Variants in CPNE4 observed in about 807,000 individuals in gnomAD.
The protein encoded by CPNE4 is copine-4.
Under a neutral mutation model 67.9 loss-of-function variants are expected in CPNE4, and 25 were observed. The observed-to-expected ratio is 0.37, with a 90% CI of 0.27 to 0.51. CPNE4 has a LOEUF of 0.51. Ranked by LOEUF, CPNE4 falls within the 20% of genes least tolerant of loss-of-function variation. The pLI, the probability that CPNE4 is intolerant of heterozygous loss-of-function variation, is 0.93. For synonymous variants in CPNE4, 242 were observed against 244.9 expected (o/e 0.99, Z 0.11); for missense variants, 464 against 690.8 (o/e 0.67, Z 3.68).
intron 7 of CPNE4, among the ~76,000 whole-genome samples, chr3:131,618,059 G>A (rs1253835858): frequency 6.6e-6 from 1 of 152,146 alleles, no homozygotes; most frequent in Non-Finnish European, 1.5e-5. Flanking sequence ...TGTATGGGGA[G>A]GTGAGCTCAG....
intron 2 of CPNE4, among the ~76,000 whole-genome samples, chr3:131,856,230 G>A (rs2086436933): frequency 6.6e-6 from 1 of 151,532 alleles, no homozygotes; most frequent in African/African-American, 2.4e-5. Context: ...ACATAAACGT[G>A]TTTTATGTTT....
rs752838277 is a variant in CPNE4, at chr3:131,763,029, CA to C, written c.181-39405del. Among the ~76,000 whole-genome samples the C allele has an allele frequency of 4.1e-3, 629 of 151,658 alleles. 3 individuals are homozygous for C. The highest frequency in any genetic ancestry group is 6.6e-3 in the Non-Finnish European group (447 of 67,832). On this transcript the variant is annotated intron_variant, in intron 2 of 15. Transcript: ENST00000429747. The stretch of plus-strand genomic sequence containing the variant: ...CACAAAATAATTTCTTTTAGGAAAA[CA>C]AAAAAACAATCTTTTCTATACAGGA...
At chr3:131,942,912 A>T (rs2071441981) in intron 1 of CPNE4, among the ~76,000 whole-genome samples, 1 of 152,100 alleles carries the variant, frequency 6.6e-6, no homozygotes, top group African/African-American at 2.4e-5. Context: ...CTGAATTCCC[A>T]TCCAGTTCTG....
At position 131,894,450 on chromosome 3, in the gene CPNE4, G is replaced by T. The variant is rs555057419; in HGVS notation, c.180+10814C>A. ...GTAAAGAGACAACTTACAGAATGGG[G>T]TAAAATATTTGCAAACCAGACACCT... On this transcript the variant is annotated intron_variant, in intron 2 of 15. Transcript: ENST00000429747. Among the ~76,000 whole-genome samples, 8 of 151,782 alleles carry T rather than the reference G, an allele frequency of 5.3e-5. No homozygotes were observed. In the South Asian group the frequency reaches 1.7e-3, roughly 32 times the overall value.
At chr3:131,810,682 G>C (rs1047534160) in intron 2 of CPNE4, among the ~76,000 whole-genome samples, 2 of 152,024 alleles carry the variant, frequency 1.3e-5, no homozygotes, top group African/African-American at 4.8e-5. Flanking sequence ...CCCACTTCTG[G>C]GTATACATCC....
chr3:131,542,567 T>A lies in CPNE4; in HGVS notation c.1529A>T (p.Asn510Ile). The A allele has an allele frequency of 6.2e-7, 1 of 1,613,616 alleles. No homozygotes were observed. The highest frequency in any genetic ancestry group is 8.5e-7 in the Non-Finnish European group (1 of 1,179,580). ...TGTGTATATGCATACGTGTTTGAAG[T>A]TCCTGAAGGGCACGAACTGGACGAT... ...RDIVQFVPFR[N>I]FKHASPAALA... The change falls in exon 15 of 16, where the codon AAC becomes ATC. Residue 510 changes from asparagine (N) to isoleucine (I), a missense_variant. Asn to Ile is a moderately radical substitution (Grantham distance 149). Transcript: ENST00000429747.
At chr3:131,976,014 G>A (rs1412489178) in intron 1 of CPNE4, among the ~76,000 whole-genome samples, 2 of 150,552 alleles carry the variant, frequency 1.3e-5, no homozygotes, top group African/African-American at 4.9e-5. Flanking sequence ...GTAGACTTAT[G>A]GATGCTGATA....
chr3:131,932,611 G>C (rs1225720720), intron 1 of CPNE4, among the ~76,000 whole-genome samples: 3 of 152,058 alleles, frequency 2.0e-5, no homozygotes, highest in African/African-American at 7.2e-5. Flanking sequence ...GAACATTTAA[G>C]TTGAATTTGG....
chr3:131,627,205 A>AAAG (rs2079099621), intron 7 of CPNE4, among the ~76,000 whole-genome samples: 1 of 151,460 alleles, frequency 6.6e-6, no homozygotes, highest in Non-Finnish European at 1.5e-5. Context: ...AAAAAAAAAA[A>AAAG]AAAAAGAAAA....
chr3:131,960,131 G>A (rs1352117799), intron 1 of CPNE4, among the ~76,000 whole-genome samples: 1 of 151,966 alleles, frequency 6.6e-6, no homozygotes, highest in Non-Finnish European at 1.5e-5. Context: ...GGAGAGGGAG[G>A]GAGGAGAGGG....
chr3:131,770,143 A>G (rs72985848), intron 2 of CPNE4, among the ~76,000 whole-genome samples: 3,173 of 152,282 alleles, frequency 0.021, 100 homozygotes, highest in African/African-American at 0.072. Context: ...TCACTCACCC[A>G]ACATGTCTTC....
intron 1 of CPNE4, among the ~76,000 whole-genome samples, chr3:131,952,576 G>GA (rs2071788993): frequency 1.1e-5 from 1 of 89,208 alleles, no homozygotes; most frequent in African/African-American, 4.6e-5. Context: ...AGGTGGGGGG[G>GA]TCAGCACCCC....
intron 1 of CPNE4, among the ~76,000 whole-genome samples, chr3:132,012,925 A>C (rs2073803867): frequency 6.6e-6 from 1 of 152,166 alleles, no homozygotes; most frequent in Admixed American, 6.5e-5. Context: ...GGCATATTTA[A>C]GAATTCATGT....
In CPNE4 at chr3:131,596,243, T is replaced by A. The variant is rs7620587; in HGVS notation, c.682-8661A>T. On this transcript the variant is annotated intron_variant, in intron 7 of 15. Coordinates refer to ENST00000429747, the MANE Select transcript of CPNE4 (RefSeq NM_130808.3). ...AGCTTGTGATGGTATCACAGGTGTC[T>A]GCGTATGTCAAAAGTCATCAAATTG... is the stretch of plus-strand genomic sequence containing the variant. Among the ~76,000 whole-genome samples the A allele has an allele frequency of 3.9e-3, 600 of 152,296 alleles. 5 individuals carry two copies. The highest frequency in any genetic ancestry group is 0.013 in the African/African-American group (547 of 41,576).
intron 7 of CPNE4, among the ~76,000 whole-genome samples, chr3:131,624,028 G>A (rs1054886276): frequency 6.6e-6 from 1 of 152,114 alleles, no homozygotes; most frequent in South Asian, 2.1e-4. Flanking sequence ...GGCTCTGGAA[G>A]GGCTGACCCT....
intron 2 of CPNE4, among the ~76,000 whole-genome samples, chr3:131,780,162 T>G (rs1038214724): frequency 6.6e-6 from 1 of 152,058 alleles, no homozygotes; most frequent in Non-Finnish European, 1.5e-5. Context: ...ATAGCTATTA[T>G]TAAAAAGTCA....
chr3:131,854,248 A>G (rs2086350156), intron 2 of CPNE4, among the ~76,000 whole-genome samples: 1 of 151,832 alleles, frequency 6.6e-6, no homozygotes, highest in South Asian at 2.1e-4. Flanking sequence ...CTAAAACATA[A>G]TGTTGAGAGA....
chr3:131,958,230 T>C lies in CPNE4; in HGVS notation c.-1-52786A>G, dbSNP rs577930848. ...TGCAACTCTGTGAAGCAGGTATAGA[T>C]GAGCAATAAATAGCTCAGAGATAAA... On this transcript the variant is annotated intron_variant, in intron 1 of 15. Coordinates refer to ENST00000429747, the MANE Select transcript of CPNE4 (RefSeq NM_130808.3). Among the ~76,000 whole-genome samples the C allele has an allele frequency of 3.9e-5, 6 of 152,358 alleles. No homozygotes were observed. In the East Asian group the frequency reaches 5.8e-4, roughly 15 times the overall value.
chr3:131,601,542 G>A (rs1349425878), intron 7 of CPNE4, among the ~76,000 whole-genome samples: 2 of 152,104 alleles, frequency 1.3e-5, no homozygotes, highest in African/African-American at 2.4e-5. Context: ...AACAACATAT[G>A]CAAGTATAAC....
Sources: allele counts gnomAD v4.1 joint callset (sites outside exome capture counted in the v4.1 genomes callset), GRCh38; gene constraint gnomAD v4.1.1; transcripts MANE v1.5; gene names NCBI Gene and HGNC (gene_info 2026-07-23, HGNC 2026-07-21).